Variants in PCDH9 observed in about 807,000 individuals in gnomAD.
PCDH9 encodes the protein protocadherin-9.
A neutral mutation model predicts 70.6 loss-of-function variants in PCDH9; 24 were observed. That is an observed-to-expected ratio of 0.34 (90% CI 0.25 to 0.48). The LOEUF is 0.48. Among genes scored for constraint, PCDH9 ranks in the 20% least tolerant of loss-of-function variants. PCDH9 has a pLI of 0.99. For missense variants in PCDH9, 1,281 were observed against 1,503.6 expected (o/e 0.85, Z 2.45); for synonymous variants, 562 against 558.5 (o/e 1.01, Z -0.09).
chr13:67,168,718 G>A (rs1252463405), intron 2 of PCDH9, among the ~76,000 whole-genome samples: 1 of 152,210 alleles, frequency 6.6e-6, no homozygotes, highest in Non-Finnish European at 1.5e-5. Context: ...CTGGGCAACA[G>A]AGCAAGATCC....
chr13:66,716,142 T>A (rs909652279), intron 3 of PCDH9, among the ~76,000 whole-genome samples: 9 of 152,216 alleles, frequency 5.9e-5, no homozygotes, highest in African/African-American at 2.2e-4. Context: ...TTTCTGATTG[T>A]TTTTAAAATT....
chr13:67,035,820 T>C (rs1409460613), intron 2 of PCDH9, among the ~76,000 whole-genome samples: 1 of 152,110 alleles, frequency 6.6e-6, no homozygotes, highest in African/African-American at 2.4e-5. Context: ...AATTCATCTT[T>C]ACAAAGAATA....
chr13:66,707,534 A>G (rs1425116213), intron 3 of PCDH9, among the ~76,000 whole-genome samples: 1 of 152,248 alleles, frequency 6.6e-6, no homozygotes, highest in African/African-American at 2.4e-5. Flanking sequence ...GCCGATCAAC[A>G]TAGCAATAAA....
intron 4 of PCDH9, among the ~76,000 whole-genome samples, chr13:66,497,403 C>G (rs973264892): frequency 6.6e-6 from 1 of 152,068 alleles, no homozygotes; most frequent in South Asian, 2.1e-4. Flanking sequence ...TACAAATTAT[C>G]TACATTTTAT....
intron 3 of PCDH9, among the ~76,000 whole-genome samples, chr13:66,845,412 G>A (rs2081190448): frequency 6.6e-6 from 1 of 152,228 alleles, no homozygotes; most frequent in Non-Finnish European, 1.5e-5. Flanking sequence ...GAGATCTGGC[G>A]CGGGAAGCAG....
intron 4 of PCDH9, among the ~76,000 whole-genome samples, chr13:66,517,821 T>G (rs1205645530): frequency 6.6e-6 from 1 of 152,172 alleles, no homozygotes; most frequent in Admixed American, 6.6e-5. Flanking sequence ...TTTAAAATTT[T>G]GTGCTGCAAT....
chr13:66,529,774 C>G (rs549481563), intron 4 of PCDH9, among the ~76,000 whole-genome samples: 81 of 151,146 alleles, frequency 5.4e-4, no homozygotes, highest in Non-Finnish European at 3.4e-4. Flanking sequence ...ATAAATACCA[C>G]AGTTACAGAA....
intron 2 of PCDH9, among the ~76,000 whole-genome samples, chr13:67,182,941 T>C (rs2088656545): frequency 6.6e-6 from 1 of 152,078 alleles, no homozygotes; most frequent in Non-Finnish European, 1.5e-5. Flanking sequence ...TTCAATCTCC[T>C]GAAAAAGGAA....
chr13:66,452,314 C>T, intron 4 of PCDH9, among the ~76,000 whole-genome samples: 1 of 152,072 alleles, frequency 6.6e-6, no homozygotes, highest in Non-Finnish European at 1.5e-5. Context: ...ATATTATGCT[C>T]AATAGATCCA....
chr13:66,758,499 T>A (rs1487561819), intron 3 of PCDH9, among the ~76,000 whole-genome samples: 1 of 152,070 alleles, frequency 6.6e-6, no homozygotes, highest in African/African-American at 2.4e-5. Flanking sequence ...ATGTATACAC[T>A]GTGTAATGAA....
chr13:66,728,713 C>T (rs761304805), intron 3 of PCDH9, among the ~76,000 whole-genome samples: 12 of 152,114 alleles, frequency 7.9e-5, no homozygotes, highest in Non-Finnish European at 1.3e-4. Context: ...CAAAATCTTT[C>T]TGTAGTAATC....
At chr13:66,630,380 A>C (rs1301868385) in intron 4 of PCDH9, among the ~76,000 whole-genome samples, 1 of 152,172 alleles carries the variant, frequency 6.6e-6, no homozygotes, top group Non-Finnish European at 1.5e-5. Flanking sequence ...TAGACTGGGG[A>C]TAATAATTGA....
intron 3 of PCDH9, among the ~76,000 whole-genome samples, chr13:66,702,856 G>A (rs1323645737): frequency 6.6e-6 from 1 of 152,156 alleles, no homozygotes; most frequent in African/African-American, 2.4e-5. Context: ...GGAATATACA[G>A]TATGGAAGTT....
chr13:66,572,338 A>G (rs975924316), intron 4 of PCDH9, among the ~76,000 whole-genome samples: 2 of 152,112 alleles, frequency 1.3e-5, no homozygotes, highest in African/African-American at 4.8e-5. Flanking sequence ...ATACCTGTAT[A>G]TTTGTACCCA....
intron 4 of PCDH9, among the ~76,000 whole-genome samples, chr13:66,338,176 C>T (rs192525012): frequency 6.6e-6 from 1 of 152,178 alleles, no homozygotes; most frequent in East Asian, 1.9e-4. Context: ...TAGCATAGCA[C>T]ACAGTAGTAC....
intron 2 of PCDH9, among the ~76,000 whole-genome samples, chr13:67,070,911 T>C (rs2138153662): frequency 6.6e-6 from 1 of 152,298 alleles, no homozygotes; most frequent in Non-Finnish European, 1.5e-5. Flanking sequence ...ACTCAGTAAG[T>C]CTGGAGCAGT....
chr13:66,775,824 T>A (rs1432336630), intron 3 of PCDH9, among the ~76,000 whole-genome samples: 1 of 152,182 alleles, frequency 6.6e-6, no homozygotes, highest in Non-Finnish European at 1.5e-5. Context: ...GTGTGCAATG[T>A]TGACACCCCT....
At chr13:66,853,152 ATGG>A (rs1257173387) in intron 3 of PCDH9, among the ~76,000 whole-genome samples, 1 of 151,086 alleles carries the variant, frequency 6.6e-6, no homozygotes, top group Non-Finnish European at 1.5e-5. Flanking sequence ...AAAACAACAA[ATGG>A]TGGTTATAAA....
chr13:66,890,891 A>G (rs2082085710), intron 3 of PCDH9, among the ~76,000 whole-genome samples: 2 of 152,230 alleles, frequency 1.3e-5, no homozygotes, highest in South Asian at 4.1e-4. Flanking sequence ...GACCACCACT[A>G]CAATCAAGTT....
Sources: gnomAD v4.1 joint callset for allele counts (sites outside exome capture counted in the v4.1 genomes callset) on GRCh38, gnomAD v4.1.1 for gene constraint, MANE v1.5 for transcripts, NCBI Gene and HGNC (gene_info 2026-07-23, HGNC 2026-07-21) for gene names.